The following PLB1 variants were observed in gnomAD, a reference collection of about 807,000 sequenced individuals.
The protein encoded by PLB1 is phospholipase B1, membrane-associated.
In PLB1, 242 loss-of-function variants were observed where a neutral mutation model predicts 227.4. The observed-to-expected ratio is 1.06, with a 90% CI of 0.96 to 1.18. The LOEUF (loss-of-function observed/expected upper bound fraction) is 1.18, where lower values mean the gene tolerates loss of function less well. Ranked by LOEUF, PLB1 falls within the 50% of genes most tolerant of loss-of-function variation. The pLI is 0.00. For synonymous variants in PLB1, 757 were observed against 682.2 expected (o/e 1.11, Z -1.71); for missense variants, 1,858 against 1,816.3 (o/e 1.02, Z -0.42).
In PLB1 at chr2:28,573,198, C is replaced by T. The variant is rs200747209; in HGVS notation, c.1326C>T (p.Asn442=). 2.9e-5 allele frequency: 47 copies of T among 1,611,842 alleles called. No individual in the cohort carries two copies. The highest frequency in any genetic ancestry group is 1.7e-4 in the Middle Eastern group (1 of 6,032). Reference sequence around the variant, plus strand: ...CGTGTCTTTTCCTTGTATTTGCAGACATCCTCCGGGAATTCAACCCTTCCC... The same window carrying T: ...CGTGTCTTTTCCTTGTATTTGCAGATATCCTCCGGGAATTCAACCCTTCCC... ...ENIGTVTTLA[N]ILREFNPSLK... The change falls in exon 21 of 58, where the codon AAC becomes AAT. Residue 442 remains asparagine, a splice_region_variant and synonymous_variant. Coordinates refer to ENST00000327757, the MANE Select transcript of PLB1 (RefSeq NM_153021.5).
At chr2:28,513,189 G>C (rs151313010) in intron 1 of PLB1, among the ~76,000 whole-genome samples, 88 of 152,294 alleles carry the variant, frequency 5.8e-4, no homozygotes, top group Non-Finnish European at 1.1e-3. Flanking sequence ...GCCAGGCATT[G>C]TATATAAAAG....
intron 50 of PLB1, 38 bp downstream of exon 50, chr2:28,625,146 C>T (rs769726189): frequency 1.3e-6 from 2 of 1,587,120 alleles, no homozygotes; most frequent in South Asian, 2.2e-5. Context: ...GAAAGGTGCC[C>T]ATCTCCTGCT....
At chr2:28,594,377 C>T (rs1682547227) in intron 33 of PLB1, 1 of 200,284 alleles carries the variant, frequency 5.0e-6, no homozygotes, top group Admixed American at 5.3e-5. Context: ...GTTTCTTTCT[C>T]TCCTAATAAA....
intron 49 of PLB1, among the ~76,000 whole-genome samples, chr2:28,623,046 G>A (rs1006484770): frequency 6.6e-6 from 1 of 151,956 alleles, no homozygotes; most frequent in Admixed American, 6.5e-5. Context: ...GCAGTGCTTC[G>A]CATGGAGTAC....
chr2:28,589,622 T>C, intron 27 of PLB1, 53 bp from the exon 28 acceptor site: 2 of 1,607,192 alleles, frequency 1.2e-6, no homozygotes, highest in Non-Finnish European at 1.7e-6. Flanking sequence ...TGAGTGTCAC[T>C]TATATGATCC....
intron 25 of PLB1, 33 bp from the exon 26 acceptor site, chr2:28,585,727 TG>T: frequency 6.7e-7 from 1 of 1,502,098 alleles, no homozygotes; most frequent in Non-Finnish European, 9.3e-7. Context: ...GTGATCTTGG[TG>T]GGATGAGGGT....
chr2:28,569,959 C>A (rs555355723), intron 20 of PLB1, among the ~76,000 whole-genome samples: 1 of 102,844 alleles, frequency 9.7e-6, no homozygotes, highest in East Asian at 2.3e-4. Flanking sequence ...GAGCGAGACT[C>A]CATCTCAAAA....
At chr2:28,496,705 C>G (rs894141925) in intron 1 of PLB1, among the ~76,000 whole-genome samples, 1 of 152,182 alleles carries the variant, frequency 6.6e-6, no homozygotes, top group Non-Finnish European at 1.5e-5. Context: ...AGTGGGCAAC[C>G]AGCCAGGGCT....
intron 14 of PLB1, among the ~76,000 whole-genome samples, chr2:28,544,989 G>A (rs556673508): frequency 6.6e-6 from 1 of 152,204 alleles, no homozygotes; most frequent in African/African-American, 2.4e-5. Context: ...TGATATTGGT[G>A]GCAATAGCAA....
chr2:28,621,508 A>T (rs997425815), intron 49 of PLB1, among the ~76,000 whole-genome samples: 1 of 152,244 alleles, frequency 6.6e-6, no homozygotes, highest in South Asian at 2.1e-4. Context: ...CCAAAACAGC[A>T]TGGTGGCTGT....
intron 21 of PLB1, among the ~76,000 whole-genome samples, chr2:28,574,163 CCTTT>C (rs1459825636): frequency 6.6e-6 from 1 of 152,128 alleles, no homozygotes; most frequent in African/African-American, 2.4e-5. Context: ...ACTGGATGAT[CCTTT>C]CTTTCTTATA....
At chr2:28,516,928 T>C (rs970040182) in intron 2 of PLB1, 59 bp downstream of exon 2, 7 of 1,552,366 alleles carry the variant, frequency 4.5e-6, no homozygotes, top group African/African-American at 1.4e-5. Flanking sequence ...AGGATTTTCC[T>C]TGTAGTGGGT....
At chr2:28,617,035 A>G (rs954269125) in intron 44 of PLB1, among the ~76,000 whole-genome samples, 7 of 152,160 alleles carry the variant, frequency 4.6e-5, no homozygotes, top group Non-Finnish European at 8.8e-5. Flanking sequence ...AATCATTTCT[A>G]TGCCCTCTGC....
At chr2:28,588,982 A>G (rs571927172) in intron 26 of PLB1, among the ~76,000 whole-genome samples, 3,560 of 151,632 alleles carry the variant, frequency 0.023, 156 homozygotes, top group African/African-American at 0.083. Flanking sequence ...TGGCCAACAT[A>G]GTGAAACCCC....
chr2:28,593,999 C>G (rs751780561), intron 33 of PLB1: 16 of 737,090 alleles, frequency 2.2e-5, no homozygotes, highest in Non-Finnish European at 3.0e-5. Context: ...TCTTATCAGA[C>G]TCCTGGGTCA....
rs372207505 is a variant in PLB1 at position 28,540,525 on chromosome 2, G to C, written c.774+84G>C. 4.8e-5 allele frequency: 55 copies of C among 1,145,220 alleles called. No homozygotes were observed. The East Asian group carries it at 5.5e-4, about 11-fold the overall frequency. 70.9% of individuals were successfully genotyped at this position (1,145,220 alleles called of 1,614,324 possible). On this transcript the variant is annotated intron_variant, in intron 12 of 57. Transcript: ENST00000327757. ...AGAACAGGAGTGATAGGGACAATTA[G>C]TTGAGTTTGCTAATGTTAGGACTTC...
At chr2:28,579,467 T>C (rs1294963836) in intron 22 of PLB1, among the ~76,000 whole-genome samples, 160 bp from the exon 23 acceptor site, 4 of 152,156 alleles carry the variant, frequency 2.6e-5, no homozygotes, top group Non-Finnish European at 5.9e-5. Context: ...ATTTAGCACC[T>C]ATGATCTCAG....
At chr2:28,577,818 T>C (rs1055448146) in intron 21 of PLB1, among the ~76,000 whole-genome samples, 1 of 152,086 alleles carries the variant, frequency 6.6e-6, no homozygotes, top group African/African-American at 2.4e-5. Flanking sequence ...TCAGCCTGGG[T>C]GACAGAGAAA....
intron 33 of PLB1, among the ~76,000 whole-genome samples, chr2:28,597,163 C>CTGAG (rs200808725): frequency 0.054 from 8,189 of 151,042 alleles, 726 homozygotes; most frequent in African/African-American, 0.19. Flanking sequence ...ACTCGGGAGG[C>CTGAG]TGAGGCAGGA....
Sources: allele counts gnomAD v4.1 joint callset (sites outside exome capture counted in the v4.1 genomes callset), GRCh38; gene constraint gnomAD v4.1.1; transcripts MANE v1.5; gene names NCBI Gene and HGNC (gene_info 2026-07-23, HGNC 2026-07-21).